SRCIN1: variants seen among roughly 807,000 people sequenced by gnomAD.
SRCIN1 encodes the protein SRC kinase signaling inhibitor 1, also known as P130Cas-associated protein.
A neutral mutation model predicts 116.2 loss-of-function variants in SRCIN1; 50 were observed. The ratio of observed to expected loss-of-function variants is 0.43; its 90% CI spans 0.34 to 0.54. The LOEUF is 0.54. Among genes scored for constraint, SRCIN1 ranks in the 20% least tolerant of loss-of-function variants. The pLI, the probability that SRCIN1 is intolerant of heterozygous loss-of-function variation, is 0.02. For missense variants in SRCIN1, 1,446 were observed against 1,672.0 expected (o/e 0.86, Z 2.36); for synonymous variants, 736 against 750.0 (o/e 0.98, Z 0.30).
At chr17:38,591,857 G>C (rs566346220) in intron 1 of SRCIN1, among the ~76,000 whole-genome samples, 1 of 152,180 alleles carries the variant, frequency 6.6e-6, no homozygotes, top group African/African-American at 2.4e-5. Flanking sequence ...ATGCCCCTCA[G>C]AGCCCCAGCT....
chr17:38,583,111 C>G (rs527774779), intron 1 of SRCIN1, among the ~76,000 whole-genome samples: 1 of 152,164 alleles, frequency 6.6e-6, no homozygotes, highest in Non-Finnish European at 1.5e-5. Flanking sequence ...ACTCTGTTGC[C>G]CAGGCTGGAG....
Position 38,531,645 on chromosome 17 carries a change from T to TG in SRCIN1, c.*1651dup, listed in dbSNP as rs1448912358. 6.7e-6 allele frequency: 1 copy of TG among 150,290 alleles called. No individual in the cohort carries two copies. The highest frequency in any genetic ancestry group is 1.5e-5 in the Non-Finnish European group (1 of 67,674). 9.3% of individuals were successfully genotyped at this position (150,290 alleles called of 1,614,324 possible). A position where few individuals can be genotyped will look rare whatever the true frequency, so the allele number is the denominator to read the frequency against. ...ATTTTTCAAAAAGGCTTGCTCGCCTTGGTACAAAAATGATCCAAAGCTAGA... is the reference window on the plus strand; with the variant it reads ...ATTTTTCAAAAAGGCTTGCTCGCCTTGGGTACAAAAATGATCCAAAGCTAGA... On this transcript the variant is annotated 3_prime_UTR_variant, in exon 19 of 19. Transcript: ENST00000617146.
At position 38,531,223 on chromosome 17, in the gene SRCIN1, A is replaced by G. The variant is rs1211063301; in HGVS notation, c.*2074T>C. ...TAGCAAGCAGAGAGTAATGGAGTGG[A>G]GGGAGGAGGGGGCACCACTCCCCCC... On this transcript the variant is annotated 3_prime_UTR_variant, in exon 19 of 19. Transcript: ENST00000617146. The G allele has an allele frequency of 6.6e-6, 1 of 151,662 alleles. No homozygotes were observed. The highest frequency in any genetic ancestry group is 1.5e-5 in the Non-Finnish European group (1 of 67,788). The allele number at this position is 151,662 out of a possible 1,614,324, so 9.4% of individuals were successfully genotyped here. A position where few individuals can be genotyped will look rare whatever the true frequency, so the allele number is the denominator to read the frequency against.
chr17:38,534,509 C>T (rs1474214563), intron 18 of SRCIN1, among the ~76,000 whole-genome samples: 1 of 152,108 alleles, frequency 6.6e-6, no homozygotes, highest in Non-Finnish European at 1.5e-5. Context: ...ACTGAATCAC[C>T]CAGATTTAAA....
At chr17:38,556,278 T>C (rs1049983659) in intron 11 of SRCIN1, among the ~76,000 whole-genome samples, 4 of 152,200 alleles carry the variant, frequency 2.6e-5, no homozygotes, top group Admixed American at 2.0e-4. Context: ...CTTCCAAGCA[T>C]GGGGCTCCGC....
chr17:38,553,117 G>A (rs1905552647), intron 11 of SRCIN1, among the ~76,000 whole-genome samples: 2 of 152,120 alleles, frequency 1.3e-5, no homozygotes, highest in African/African-American at 2.4e-5. Flanking sequence ...TTAGCTGGAT[G>A]TAGTGGCAGG....
Position 38,551,168 on chromosome 17 carries a change from C to T in SRCIN1, c.2949G>A (p.Gly983=), listed in dbSNP as rs1413635118. The change falls in exon 15 of 19, where the codon GGG becomes GGA. Residue 983 remains glycine, a synonymous_variant. Coordinates refer to ENST00000617146, the MANE Select transcript of SRCIN1 (RefSeq NM_025248.3). Reference sequence around the variant, plus strand: ...TACTCCCCATACCTGAGCCCCTCCTCCCACTGGGCTCCGTTCGGGGGGCTG... The same window carrying T: ...TACTCCCCATACCTGAGCCCCTCCTTCCACTGGGCTCCGTTCGGGGGGCTG... ...QKAAPRTEPS[G]RRGSDELTVP... 13 of 1,554,696 alleles carry T rather than the reference C, an allele frequency of 8.4e-6. No individual in the cohort carries two copies. Among genetic ancestry groups the T allele is most frequent in the Non-Finnish European group, 1.1e-5 (13 of 1,140,350 alleles).
At chr17:38,555,192 GC>G (rs1905704015) in intron 11 of SRCIN1, among the ~76,000 whole-genome samples, 1 of 152,174 alleles carries the variant, frequency 6.6e-6, no homozygotes, top group Non-Finnish European at 1.5e-5. Context: ...GTGGCTCAGA[GC>G]CTAGACTACA....
In SRCIN1 at chr17:38,563,645, C is replaced by T; in HGVS notation, c.542-124G>A. On this transcript the variant is annotated intron_variant, in intron 4 of 18. Transcript: ENST00000617146. This position sits in a 1 kb window ranked among gnomAD's most constrained non-coding sequence, Gnocchi z 5.8. ...CGGCAGGGTCTGAGGCTAGACGCCG[C>T]CCCCGAGTGCAGATGCACCCAGGCA... 2 of 1,329,692 alleles carry T rather than the reference C, an allele frequency of 1.5e-6. No homozygotes were observed. The highest frequency in any genetic ancestry group is 2.5e-5 in the East Asian group (1 of 39,910). The allele number at this position is 1,329,692 out of a possible 1,614,324, so 82.4% of individuals were successfully genotyped here.
At chr17:38,596,617 G>A (rs181688241) in intron 1 of SRCIN1, among the ~76,000 whole-genome samples, 14 of 152,204 alleles carry the variant, frequency 9.2e-5, no homozygotes, top group Admixed American at 7.8e-4. Flanking sequence ...GATGGGTTCA[G>A]GGTCAGAGAG....
chr17:38,598,115 A>G (rs1185786307), intron 1 of SRCIN1, among the ~76,000 whole-genome samples: 1 of 152,096 alleles, frequency 6.6e-6, no homozygotes, highest in Non-Finnish European at 1.5e-5. Flanking sequence ...GGGGTGGACA[A>G]AGTGAGAGTC....
intron 18 of SRCIN1, among the ~76,000 whole-genome samples, chr17:38,535,209 CT>C (rs71138630): frequency 0.024 from 3,097 of 128,838 alleles, 112 homozygotes; most frequent in African/African-American, 0.086. Context: ...CTTTTTCTTT[CT>C]TTTTTTTTTT....
rs935491176 is a variant in SRCIN1, at chr17:38,551,346, T to G, written c.2771A>C (p.Gln924Pro). 2 of 1,613,620 alleles carry G rather than the reference T, an allele frequency of 1.2e-6. No individual in the cohort carries two copies. Among genetic ancestry groups the G allele is most frequent in the Non-Finnish European group, 1.7e-6 (2 of 1,179,822 alleles). The change falls in exon 15 of 19, where the codon CAG becomes CCG. Residue 924 changes from glutamine (Q) to proline (P), a missense_variant. This residue lies in a region of SRCIN1 where 531 missense variants were observed against 633.9 expected (regional missense o/e 0.84). Transcript: ENST00000617146. The stretch of plus-strand genomic sequence containing the variant: ...CCGGTTGATGTCCTTGGCACTGTAC[T>G]GGGTCAGGGCTGCCCGCTTCTCCTC... The part of the protein sequence containing the change: ...DWEEKRAALT[Q>P]YSAKDINRLL...
chr17:38,590,570 T>G (rs911032588), intron 1 of SRCIN1, among the ~76,000 whole-genome samples: 6 of 152,206 alleles, frequency 3.9e-5, no homozygotes, highest in African/African-American at 1.4e-4. Flanking sequence ...CACATATTCA[T>G]GATGATCTCA....
At position 38,563,660 on chromosome 17, in the gene SRCIN1, G is replaced by A. The variant is rs909572329; in HGVS notation, c.542-139C>T. 1 of 1,156,762 alleles carries A rather than the reference G, an allele frequency of 8.6e-7. No homozygotes were observed. Among genetic ancestry groups the A allele is most frequent in the Non-Finnish European group, 1.2e-6 (1 of 801,588 alleles). 71.7% of individuals were successfully genotyped at this position (1,156,762 alleles called of 1,614,324 possible). A position where few individuals can be genotyped will look rare whatever the true frequency, so the allele number is the denominator to read the frequency against. ...CTAGACGCCGCCCCCGAGTGCAGAT[G>A]CACCCAGGCACCTCTCATGCTGCCG... On this transcript the variant is annotated intron_variant, in intron 4 of 18. Transcript: ENST00000617146. The surrounding 1 kb of genome is among the most constrained non-coding windows in gnomAD (Gnocchi z 5.8).
chr17:38,588,514 G>C (rs1233647687), intron 1 of SRCIN1, among the ~76,000 whole-genome samples: 1 of 152,180 alleles, frequency 6.6e-6, no homozygotes, highest in Non-Finnish European at 1.5e-5. Context: ...GGGGAGGAGG[G>C]AACACTGGAG....
intron 18 of SRCIN1, among the ~76,000 whole-genome samples, chr17:38,539,891 C>T (rs978319789): frequency 1.3e-5 from 2 of 151,802 alleles, no homozygotes; most frequent in Non-Finnish European, 2.9e-5. Flanking sequence ...CGTGTTGACA[C>T]ACACCTGTAA....
At chr17:38,592,222 C>T (rs930995064) in intron 1 of SRCIN1, among the ~76,000 whole-genome samples, 8 of 152,310 alleles carry the variant, frequency 5.3e-5, no homozygotes, top group Middle Eastern at 3.4e-3. Context: ...TCAGCAGTGC[C>T]GTCATCTCTG....
chr17:38,556,794 C>T (rs1000079066), intron 11 of SRCIN1, among the ~76,000 whole-genome samples: 1 of 152,196 alleles, frequency 6.6e-6, no homozygotes, highest in Admixed American at 6.5e-5. Flanking sequence ...CCTGGAGAAC[C>T]AAGGCCTTCA....
Sources: gnomAD v4.1 joint callset for allele counts (sites outside exome capture counted in the v4.1 genomes callset) on GRCh38, gnomAD v4.1.1 for gene constraint, gnomAD v4.1.1 regional missense constraint, Gnocchi (gnomAD v3.1) non-coding constraint, MANE v1.5 for transcripts, NCBI Gene and HGNC (gene_info 2026-07-23, HGNC 2026-07-21) for gene names.